The following CIMIP6 variants were observed in gnomAD, a reference collection of about 807,000 sequenced individuals.
CIMIP6 encodes the protein uncharacterized protein C2orf73.
the CIMIP6 span, among the ~76,000 whole-genome samples, chr2:54,376,222 T>G: frequency 3.8e-4 from 55 of 146,044 alleles, no homozygotes; most frequent in South Asian, 5.0e-3. Context: ...TTTTTTTTTT[T>G]GGGTAGAGAC....
At chr2:54,353,523 A>C in the CIMIP6 span, among the ~76,000 whole-genome samples, 1 of 152,076 alleles carries the variant, frequency 6.6e-6, no homozygotes, top group Non-Finnish European at 1.5e-5. Context: ...AGGCTTCTGC[A>C]GAGGGGAGAT....
chr2:54,352,720 G>C, the CIMIP6 span, among the ~76,000 whole-genome samples: 4 of 152,242 alleles, frequency 2.6e-5, no homozygotes, highest in Non-Finnish European at 2.9e-5. Context: ...AAGTAGTGTA[G>C]TATTTGCATA....
At chr2:54,381,213 C>T in the CIMIP6 span, among the ~76,000 whole-genome samples, 1 of 152,166 alleles carries the variant, frequency 6.6e-6, no homozygotes, top group Non-Finnish European at 1.5e-5. Flanking sequence ...CCTTCCCTTG[C>T]CTTCTCTGTT....
the CIMIP6 span, chr2:54,343,975 T>G: frequency 9.2e-7 from 1 of 1,092,418 alleles, no homozygotes; most frequent in Non-Finnish European, 1.2e-6. Flanking sequence ...AATAATTACT[T>G]CTCTATGAAG....
At chr2:54,372,713 A>T in the CIMIP6 span, among the ~76,000 whole-genome samples, 1 of 152,162 alleles carries the variant, frequency 6.6e-6, no homozygotes, top group Non-Finnish European at 1.5e-5. Flanking sequence ...TTGCAGCTCC[A>T]GCTCTTCTTC....
chr2:54,380,211 T>C, the CIMIP6 span, among the ~76,000 whole-genome samples: 2 of 152,134 alleles, frequency 1.3e-5, no homozygotes, highest in African/African-American at 2.4e-5. Flanking sequence ...GCTCAGTGCT[T>C]GTATTTATGA....
At chr2:54,331,058 AG>A in the CIMIP6 span, 1 of 1,576,954 alleles carries the variant, frequency 6.3e-7, no homozygotes, top group Non-Finnish European at 8.7e-7. Flanking sequence ...TTCCTCCTTC[AG>A]GGGGAGGCCG....
the CIMIP6 span, among the ~76,000 whole-genome samples, chr2:54,344,515 C>T: frequency 6.6e-6 from 1 of 152,150 alleles, no homozygotes; most frequent in Non-Finnish European, 1.5e-5. Context: ...CTGAGCTACA[C>T]GCCGAGCCAG....
the CIMIP6 span, among the ~76,000 whole-genome samples, chr2:54,356,828 A>C: frequency 0.023 from 3,510 of 152,288 alleles, 144 homozygotes; most frequent in African/African-American, 0.08. Context: ...CTATTTTATT[A>C]CCAAATGCAT....
chr2:54,373,329 C>T, the CIMIP6 span, among the ~76,000 whole-genome samples: 1 of 108,642 alleles, frequency 9.2e-6, no homozygotes, highest in Non-Finnish European at 2.1e-5. Flanking sequence ...CTGGGCTGCC[C>T]AGGCCTTCAC....
chr2:54,360,729 A>G, the CIMIP6 span: 31 of 695,602 alleles, frequency 4.5e-5, no homozygotes, highest in Non-Finnish European at 5.8e-5. Context: ...AATGTTATTA[A>G]TAAGAGTGGT....
At chr2:54,365,553 A>G in the CIMIP6 span, among the ~76,000 whole-genome samples, 1 of 152,208 alleles carries the variant, frequency 6.6e-6, no homozygotes, top group Non-Finnish European at 1.5e-5. Flanking sequence ...CAAAGTATAC[A>G]GAAACCTCTT....
the CIMIP6 span, chr2:54,381,780 G>A: frequency 1.4e-5 from 21 of 1,476,140 alleles, no homozygotes; most frequent in South Asian, 1.3e-4. Context: ...CTGATTTAAC[G>A]CTTGATTGTA....
the CIMIP6 span, among the ~76,000 whole-genome samples, chr2:54,336,809 GA>G: frequency 6.6e-6 from 1 of 152,168 alleles, no homozygotes; most frequent in Non-Finnish European, 1.5e-5. Flanking sequence ...GAGGGAGAGT[GA>G]GGGAGTGAGC....
chr2:54,382,281 T>G, the CIMIP6 span, among the ~76,000 whole-genome samples: 1 of 152,188 alleles, frequency 6.6e-6, no homozygotes, highest in African/African-American at 2.4e-5. Context: ...CAAGAGAAAT[T>G]GAGAACAATA....
chr2:54,358,754 G>A, the CIMIP6 span, among the ~76,000 whole-genome samples: 24 of 151,920 alleles, frequency 1.6e-4, no homozygotes, highest in South Asian at 2.1e-4. Flanking sequence ...AATTCCACAC[G>A]TGGGGCTAAT....
At chr2:54,377,711 G>A in the CIMIP6 span, among the ~76,000 whole-genome samples, 1 of 152,120 alleles carries the variant, frequency 6.6e-6, no homozygotes, top group African/African-American at 2.4e-5. Flanking sequence ...GGCAACAGTA[G>A]GTGTCTGTAT....
At chr2:54,334,696 T>C in the CIMIP6 span, 1 of 720,192 alleles carries the variant, frequency 1.4e-6, no homozygotes, top group Non-Finnish European at 2.3e-6. Flanking sequence ...CTTATAACTA[T>C]TAATACAGCC....
the CIMIP6 span, among the ~76,000 whole-genome samples, chr2:54,372,392 T>C: frequency 6.6e-6 from 1 of 152,204 alleles, no homozygotes; most frequent in Non-Finnish European, 1.5e-5. Context: ...GTTTTTATTA[T>C]GTCACTCATC....
Sources: gnomAD v4.1 joint callset for allele counts (sites outside exome capture counted in the v4.1 genomes callset) on GRCh38, gnomAD v4.1.1 for gene constraint, MANE v1.5 for transcripts, NCBI Gene and HGNC (gene_info 2026-07-23, HGNC 2026-07-21) for gene names.